ENPP1: variants seen among roughly 807,000 people sequenced by gnomAD.
ENPP1 encodes the protein ectonucleotide pyrophosphatase/phosphodiesterase 1.
Under a neutral mutation model 122.8 loss-of-function variants are expected in ENPP1, and 73 were observed. That is an observed-to-expected ratio of 0.59 (90% CI 0.49 to 0.72). The LOEUF is 0.72. Ranked by LOEUF, ENPP1 falls within the 30% of genes least tolerant of loss-of-function variation. The pLI is 0.00. For missense variants in ENPP1, 978 were observed against 1,128.1 expected (o/e 0.87, Z 1.91); for synonymous variants, 367 against 391.6 (o/e 0.94, Z 0.74).
intron 4 of ENPP1, among the ~76,000 whole-genome samples, 179 bp from the exon 5 acceptor site, chr6:131,851,992 AACTC>A (rs1281197323): frequency 6.6e-6 from 1 of 152,170 alleles, no homozygotes; most frequent in East Asian, 1.9e-4. Flanking sequence ...GATATCAACT[AACTC>A]TTATTTTGAA....
Position 131,849,870 on chromosome 6 carries a change from T to A in ENPP1, c.314-120T>A, listed in dbSNP as rs1012739104. On this transcript the variant is annotated intron_variant, in intron 2 of 24. Coordinates refer to ENST00000647893, the MANE Select transcript of ENPP1 (RefSeq NM_006208.3). The stretch of plus-strand genomic sequence containing the variant: ...ATTTTTGCCTTACTTTATTACCCCA[T>A]CTGTATTTTCTAAAGTAGTATTTGA... The A allele has an allele frequency of 2.4e-4, 186 of 771,246 alleles. No individual in the cohort carries two copies. The South Asian group carries it at 2.6e-3, about 11-fold the overall frequency. 47.8% of individuals were successfully genotyped at this position (771,246 alleles called of 1,614,324 possible).
intron 11 of ENPP1, 34 bp from the exon 12 acceptor site, chr6:131,867,984 G>C (rs767231467): frequency 7.0e-6 from 9 of 1,286,748 alleles, no homozygotes; most frequent in Non-Finnish European, 9.1e-6. Context: ...TAGTGTGGAA[G>C]GTATCACATG....
intron 9 of ENPP1, 38 bp from the exon 10 acceptor site, chr6:131,864,468 G>T (rs181365552): frequency 4.4e-6 from 6 of 1,356,034 alleles, no homozygotes; most frequent in Non-Finnish European, 6.3e-6. Context: ...CCAAACAATT[G>T]TCAGCCATCT....
intron 24 of ENPP1, among the ~76,000 whole-genome samples, chr6:131,887,013 C>T (rs1397067534): frequency 7.0e-6 from 1 of 143,754 alleles, no homozygotes. Flanking sequence ...ATCCTCCTGT[C>T]TTGGCCTCCC....
In ENPP1 at chr6:131,877,117, A is replaced by T. The variant is rs1465351864; in HGVS notation, c.1849A>T (p.Thr617Ser). 3 of 1,613,930 alleles carry T rather than the reference A, an allele frequency of 1.9e-6. No homozygotes were observed. The highest frequency in any genetic ancestry group is 2.5e-6 in the Non-Finnish European group (3 of 1,179,986). Reference protein sequence around the residue: ...EVHPLVQCPFTRNPRDNLGCS... With the variant: ...EVHPLVQCPFSRNPRDNLGCS... ...GCACCCCCTGGTACAGTGCCCCTTC[A>T]CAAGAAACCCCAGAGATAACCTTGG... Residue 617 changes from threonine (T) to serine (S), a missense_variant, in exon 18 of 25, where the codon ACA becomes TCA. Physicochemically the swap from Thr to Ser is moderately conservative, Grantham distance 58. Transcript: ENST00000647893.
intron 17 of ENPP1, among the ~76,000 whole-genome samples, chr6:131,876,179 A>T (rs1307401798): frequency 1.3e-5 from 2 of 152,208 alleles, no homozygotes; most frequent in African/African-American, 4.8e-5. Flanking sequence ...CAGTGATAGA[A>T]GCCAGAAAAA....
chr6:131,873,092 T>C (rs878936780), intron 15 of ENPP1, 42 bp downstream of exon 15: 1 of 1,610,914 alleles, frequency 6.2e-7, no homozygotes. Flanking sequence ...GTCTGATCGG[T>C]TAGTGATTCA....
At chr6:131,855,301 A>T (rs1252228581) in intron 6 of ENPP1, among the ~76,000 whole-genome samples, 2 of 152,092 alleles carry the variant, frequency 1.3e-5, no homozygotes, top group African/African-American at 4.8e-5. Flanking sequence ...ATTCCTTGTG[A>T]AAAAGTCCCT....
At chr6:131,827,054 C>T (rs1585797236) in intron 1 of ENPP1, 3 of 587,922 alleles carry the variant, frequency 5.1e-6, no homozygotes, top group East Asian at 6.9e-5. Context: ...CGGCAGACGG[C>T]AGCTTCACCT....
chr6:131,883,964 G>A (rs915907737), intron 22 of ENPP1, among the ~76,000 whole-genome samples, 190 bp downstream of exon 22: 6 of 152,148 alleles, frequency 3.9e-5, no homozygotes, highest in Non-Finnish European at 7.4e-5. Flanking sequence ...TATTCTAATT[G>A]TATAATTGTT....
chr6:131,831,572 A>T (rs553676278), intron 1 of ENPP1, among the ~76,000 whole-genome samples: 1 of 152,248 alleles, frequency 6.6e-6, no homozygotes, highest in African/African-American at 2.4e-5. Context: ...GATGACCTTG[A>T]CAGTTTTAAA....
chr6:131,844,873 A>G (rs1377286234), intron 1 of ENPP1, among the ~76,000 whole-genome samples: 1 of 152,176 alleles, frequency 6.6e-6, no homozygotes, highest in African/African-American at 2.4e-5. Context: ...ATGTGAAAAC[A>G]TTGGAAACTG....
At position 131,890,337 on chromosome 6, in the gene ENPP1, C is replaced by G; in HGVS notation, c.2608-4C>G. ...CTTTTCTTTTATATTTCCTATTCTC[C>G]TAGCATGGGAAGCATGACTCCTCAT... On this transcript the variant is annotated splice_polypyrimidine_tract_variant and splice_region_variant and intron_variant, in intron 24 of 24. Coordinates refer to ENST00000647893, the MANE Select transcript of ENPP1 (RefSeq NM_006208.3). 1 of 1,611,860 alleles carries G rather than the reference C, an allele frequency of 6.2e-7. No homozygotes were observed. Among genetic ancestry groups the G allele is most frequent in the South Asian group, 1.1e-5 (1 of 91,026 alleles).
chr6:131,887,496 C>A (rs1003668432), intron 24 of ENPP1, among the ~76,000 whole-genome samples: 14 of 150,006 alleles, frequency 9.3e-5, no homozygotes, highest in African/African-American at 3.4e-4. Context: ...GGGTTCACAC[C>A]ATTCTCCTGC....
intron 1 of ENPP1, among the ~76,000 whole-genome samples, chr6:131,846,996 C>A (rs1490601060): frequency 6.6e-6 from 1 of 152,102 alleles, no homozygotes; most frequent in Non-Finnish European, 1.5e-5. Flanking sequence ...GTAGTCCAAC[C>A]CTTAAATTTT....
intron 13 of ENPP1, among the ~76,000 whole-genome samples, chr6:131,871,056 C>T (rs1016594783): frequency 2.6e-5 from 4 of 151,356 alleles, no homozygotes; most frequent in African/African-American, 9.7e-5. Flanking sequence ...AGCCTGGTGA[C>T]AGAGAGAGAC....
intron 13 of ENPP1, among the ~76,000 whole-genome samples, chr6:131,870,792 T>A (rs1241271761): frequency 6.6e-6 from 1 of 152,148 alleles, no homozygotes. Flanking sequence ...ACTATACAGA[T>A]AGACTGGACA....
intron 1 of ENPP1, among the ~76,000 whole-genome samples, chr6:131,843,193 G>T (rs1781762987): frequency 6.6e-6 from 1 of 151,990 alleles, no homozygotes; most frequent in South Asian, 2.1e-4. Context: ...TTATTGAAGG[G>T]GAATTTCCTA....
At chr6:131,855,854 C>T (rs1396675957) in intron 6 of ENPP1, among the ~76,000 whole-genome samples, 1 of 151,100 alleles carries the variant, frequency 6.6e-6, no homozygotes, top group African/African-American at 2.4e-5. Context: ...AATATTGATG[C>T]CAAAGTTTTA....
Sources: gnomAD v4.1 joint callset for allele counts (sites outside exome capture counted in the v4.1 genomes callset) on GRCh38, gnomAD v4.1.1 for gene constraint, MANE v1.5 for transcripts, NCBI Gene and HGNC (gene_info 2026-07-23, HGNC 2026-07-21) for gene names.